KY: variants seen among roughly 807,000 people sequenced by gnomAD.
The protein encoded by KY is kyphoscoliosis peptidase.
KY carries 43 observed loss-of-function variants against 76.1 expected under a neutral mutation model. The observed-to-expected ratio is 0.57, with a 90% CI of 0.44 to 0.73. KY has a LOEUF of 0.73. KY is among the 30% of genes least tolerant of loss of function. The probability of loss-of-function intolerance (pLI) is 0.00; values close to 1 mark genes in which losing one functional copy is unlikely to be tolerated. For missense variants in KY, 722 were observed against 828.9 expected (o/e 0.87, Z 1.58); for synonymous variants, 277 against 326.2 (o/e 0.85, Z 1.63).
At chr3:134,647,745 T>G (rs929093457) in intron 1 of KY, among the ~76,000 whole-genome samples, 1 of 152,176 alleles carries the variant, frequency 6.6e-6, no homozygotes. Context: ...AGGGAGAATT[T>G]TTGTAGTACA....
At chr3:134,647,554 C>A in intron 1 of KY, 57 bp from the exon 2 acceptor site, 1 of 1,034,414 alleles carries the variant, frequency 9.7e-7, no homozygotes. Context: ...AGTGATGTAC[C>A]AGTTGCAGAC....
rs375826206 is a variant in KY at position 134,637,411 on chromosome 3, G to A, written c.262+5905C>T. Among the ~76,000 whole-genome samples, 17 of 152,260 alleles carry A rather than the reference G, an allele frequency of 1.1e-4. 1 individual carries two copies. The Middle Eastern group carries it at 0.01, about 91-fold the overall frequency. ...GGTACTTGACTTCAAGATGCCTTGT[G>A]AAAAATGAATTGAGAAACATGTTCA... On this transcript the variant is annotated intron_variant, in intron 3 of 10. Transcript: ENST00000423778.
chr3:134,610,577 TG>T, intron 8 of KY, 194 bp from the exon 9 acceptor site: 1 of 575,306 alleles, frequency 1.7e-6, no homozygotes, highest in East Asian at 2.9e-5. Flanking sequence ...GGAGATACAG[TG>T]CTGGCTGGTC....
intron 6 of KY, among the ~76,000 whole-genome samples, chr3:134,624,094 T>C (rs1202690092): frequency 6.6e-6 from 1 of 152,072 alleles, no homozygotes; most frequent in Non-Finnish European, 1.5e-5. Flanking sequence ...CCCCTAAAAC[T>C]TGCTCCTTCT....
At chr3:134,618,396 A>G (rs1961952856) in intron 8 of KY, among the ~76,000 whole-genome samples, 1 of 152,142 alleles carries the variant, frequency 6.6e-6, no homozygotes, top group Non-Finnish European at 1.5e-5. Context: ...GCCTAGAAAG[A>G]CAGTGGGCCG....
chr3:134,650,963 T>A lies in KY; in HGVS notation c.-3A>T, dbSNP rs1966883299. On this transcript the variant is annotated 5_prime_UTR_variant, in exon 1 of 11. Transcript: ENST00000423778. ...TTGATGTCCTTCTTCAGCTCCATGA[T>A]GCCGCCTCCTTTCCGACCTGGGCGC... The A allele has an allele frequency of 6.2e-7, 1 of 1,613,080 alleles. No homozygotes were observed. Among genetic ancestry groups the A allele is most frequent in the Non-Finnish European group, 8.5e-7 (1 of 1,179,422 alleles).
chr3:134,630,144 GA>G (rs1485623276), intron 3 of KY, among the ~76,000 whole-genome samples: 4 of 152,220 alleles, frequency 2.6e-5, no homozygotes, highest in Non-Finnish European at 5.9e-5. Context: ...GAGCACACAA[GA>G]GAAATCCTCT....
chr3:134,628,011 G>A (rs562671948), intron 4 of KY, 193 bp from the exon 5 acceptor site: 21 of 606,562 alleles, frequency 3.5e-5, no homozygotes, highest in African/African-American at 3.3e-4. Context: ...TGTGGCAGAA[G>A]GAAGACTAAG....
At chr3:134,627,610 C>G in intron 5 of KY, 146 bp downstream of exon 5, 1 of 677,394 alleles carries the variant, frequency 1.5e-6, no homozygotes, top group Admixed American at 2.4e-5. Flanking sequence ...GCTAATCAAT[C>G]ATGACACTCT....
chr3:134,623,554 C>T (rs1348751929), intron 6 of KY, among the ~76,000 whole-genome samples: 1 of 151,368 alleles, frequency 6.6e-6, no homozygotes, highest in Non-Finnish European at 1.5e-5. Context: ...CCTTGTTCCC[C>T]CACCTTAGGA....
intron 3 of KY, among the ~76,000 whole-genome samples, chr3:134,642,963 G>A (rs145769241): frequency 6.6e-6 from 1 of 152,316 alleles, no homozygotes; most frequent in East Asian, 1.9e-4. Context: ...TAATTTACAT[G>A]AGAATAAGTG....
At chr3:134,650,548 G>A (rs1294352232) in intron 1 of KY, among the ~76,000 whole-genome samples, 1 of 152,192 alleles carries the variant, frequency 6.6e-6, no homozygotes, top group African/African-American at 2.4e-5. Flanking sequence ...TTAGGGAGTG[G>A]CTGGGAGGAA....
intron 6 of KY, among the ~76,000 whole-genome samples, chr3:134,623,656 C>G (rs1405491831): frequency 2.0e-5 from 3 of 152,002 alleles, no homozygotes; most frequent in Non-Finnish European, 4.4e-5. Flanking sequence ...CACTACTCAC[C>G]TCCTGCTTGC....
intron 3 of KY, among the ~76,000 whole-genome samples, chr3:134,637,865 T>G (rs1044506795): frequency 2.6e-5 from 4 of 152,226 alleles, no homozygotes; most frequent in African/African-American, 9.7e-5. Context: ...TTAAAGCCCC[T>G]CCAGGGCAGG....
rs1959055030 is a variant in KY, at chr3:134,603,413, A to T, written c.*166T>A. 1.6e-6 allele frequency: 1 copy of T among 630,738 alleles called. No homozygotes were observed. Among genetic ancestry groups the T allele is most frequent in the Admixed American group, 3.1e-5 (1 of 32,140 alleles). 39.1% of individuals were successfully genotyped at this position (630,738 alleles called of 1,614,324 possible). A position where few individuals can be genotyped will look rare whatever the true frequency, so the allele number is the denominator to read the frequency against. On this transcript the variant is annotated 3_prime_UTR_variant, in exon 11 of 11. Coordinates refer to ENST00000423778, the MANE Select transcript of KY (RefSeq NM_178554.6). Reference sequence around the variant, plus strand: ...GCCACACCTGAGTGAAGCCTTCAGAACACAAAGATCACAGCTCCTGTGGCA... The same window carrying T: ...GCCACACCTGAGTGAAGCCTTCAGATCACAAAGATCACAGCTCCTGTGGCA...
intron 2 of KY, among the ~76,000 whole-genome samples, chr3:134,643,695 C>A (rs1487872296): frequency 6.6e-6 from 1 of 152,176 alleles, no homozygotes; most frequent in East Asian, 1.9e-4. Context: ...TTTGGTGTCA[C>A]CAGGCACAGT....
At chr3:134,625,199 C>T in intron 5 of KY, 64 bp from the exon 6 acceptor site, 1 of 1,304,850 alleles carries the variant, frequency 7.7e-7, no homozygotes, top group Non-Finnish European at 1.1e-6. Flanking sequence ...CTGGCCTAGG[C>T]CTTGCTGTCT....
chr3:134,604,313 C>T lies in KY; in HGVS notation c.1252G>A (p.Ala418Thr), dbSNP rs150613331. Residue 418 changes from alanine to threonine, a missense_variant, in exon 11 of 11, where the codon GCC becomes ACC. This residue lies in a region of KY where 552 missense variants were observed against 680.9 expected (regional missense o/e 0.81). Transcript: ENST00000423778. ...CTGTAGATGTCGGAGTTGCCCTTGG[C>T]AAAGATCTGCAGCTTGTGAGTGCCC... ...TMGTHKLQIF[A>T]KGNSDIYSSV... 128 of 1,613,968 alleles carry T rather than the reference C, an allele frequency of 7.9e-5. No individual in the cohort carries two copies. Among genetic ancestry groups the T allele is most frequent in the African/African-American group, 4.4e-4 (33 of 75,028 alleles).
chr3:134,603,698 C>T lies in KY; in HGVS notation c.1867G>A (p.Gly623Ser). 2 of 1,613,928 alleles carry T rather than the reference C, an allele frequency of 1.2e-6. No homozygotes were observed. The highest frequency in any genetic ancestry group is 1.7e-6 in the Non-Finnish European group (2 of 1,179,844). The change falls in exon 11 of 11, where the codon GGC becomes AGC. Residue 623 changes from glycine to serine, a missense_variant. Physicochemically the swap from Gly to Ser is moderately conservative, Grantham distance 56. This residue lies in a region of KY where 552 missense variants were observed against 680.9 expected (regional missense o/e 0.81). Coordinates refer to ENST00000423778, the MANE Select transcript of KY (RefSeq NM_178554.6). The stretch of plus-strand genomic sequence containing the variant: ...GTGCTGCAGCTTCCCTCCCAGTAGC[C>T]CTCGTGGTTCAGGGTCAGGGGCCAT... ...DTWPLTLNHE[G>S]YWEGSCSTAG...
Sources: gnomAD v4.1 joint callset for allele counts (sites outside exome capture counted in the v4.1 genomes callset) on GRCh38, gnomAD v4.1.1 for gene constraint, gnomAD v4.1.1 regional missense constraint, MANE v1.5 for transcripts, NCBI Gene and HGNC (gene_info 2026-07-23, HGNC 2026-07-21) for gene names.